Variants in TRMT11 observed in about 807,000 individuals in gnomAD.
TRMT11 encodes tRNA methyltransferase 11, also known as tRNA (guanine(10)-N(2))-methyltransferase TRMT11.
A neutral mutation model predicts 62.8 loss-of-function variants in TRMT11; 53 were observed. The ratio of observed to expected loss-of-function variants is 0.84; its 90% CI spans 0.68 to 1.06. The LOEUF is 1.06. Ranked by LOEUF, TRMT11 falls within the 50% of genes least tolerant of loss-of-function variation. The pLI is 0.00. For missense variants in TRMT11, 556 were observed against 553.4 expected (o/e 1.00, Z -0.05); for synonymous variants, 188 against 190.3 (o/e 0.99, Z 0.10).
chr6:126,136,018 A>G (rs1562330849), intron 21 of TRMT11, among the ~76,000 whole-genome samples: 1 of 151,976 alleles, frequency 6.6e-6, no homozygotes. Flanking sequence ...TTACAAGCTC[A>G]CAGTTAAAAT....
chr6:126,049,812 T>G (rs975808464), intron 16 of TRMT11, among the ~76,000 whole-genome samples: 2 of 152,166 alleles, frequency 1.3e-5, no homozygotes, highest in Non-Finnish European at 2.9e-5. Context: ...TTTTAAAAAT[T>G]CAGTTAAGTG....
At chr6:126,164,624 T>A (rs1778236416) in intron 21 of TRMT11, among the ~76,000 whole-genome samples, 1 of 152,216 alleles carries the variant, frequency 6.6e-6, no homozygotes. Flanking sequence ...CTTTTGTAGG[T>A]CTCTAAGAAC....
intron 21 of TRMT11, among the ~76,000 whole-genome samples, chr6:126,141,455 A>C (rs373701580): frequency 2.0e-5 from 3 of 152,286 alleles, no homozygotes; most frequent in South Asian, 2.1e-4. Context: ...AGCAAATTTG[A>C]ATATATCATT....
chr6:126,246,180 G>A, the TRMT11 span, among the ~76,000 whole-genome samples: 2 of 152,116 alleles, frequency 1.3e-5, no homozygotes, highest in South Asian at 2.1e-4. Context: ...CCAGGAGATC[G>A]AGGCTGCAGT....
At chr6:126,101,977 A>G (rs892075431) in intron 17 of TRMT11, among the ~76,000 whole-genome samples, 1 of 152,216 alleles carries the variant, frequency 6.6e-6, no homozygotes, top group African/African-American at 2.4e-5. Context: ...GACTGTAAAT[A>G]CCATCAGCTA....
intron 21 of TRMT11, among the ~76,000 whole-genome samples, chr6:126,145,645 T>C (rs191371181): frequency 1.3e-5 from 2 of 152,274 alleles, no homozygotes; most frequent in Admixed American, 6.5e-5. Flanking sequence ...ACGACTTCCA[T>C]GGTCAGCACC....
chr6:126,109,661 G>A (rs1777508093), intron 17 of TRMT11, among the ~76,000 whole-genome samples: 1 of 152,136 alleles, frequency 6.6e-6, no homozygotes, highest in Admixed American at 6.6e-5. Context: ...AGAAGCTTTG[G>A]GTATTCTGAA....
chr6:126,222,978 G>T, the TRMT11 span, among the ~76,000 whole-genome samples: 1 of 152,144 alleles, frequency 6.6e-6, no homozygotes. Context: ...TTGTTTCCAT[G>T]CGTAGCACTC....
chr6:126,136,680 A>G (rs1207423311), intron 21 of TRMT11, among the ~76,000 whole-genome samples: 1 of 151,928 alleles, frequency 6.6e-6, no homozygotes, highest in Non-Finnish European at 1.5e-5. Flanking sequence ...AGCTAAGGCA[A>G]TCCTGAGCAA....
chr6:126,109,817 A>G (rs1777509882), intron 17 of TRMT11, among the ~76,000 whole-genome samples: 1 of 152,182 alleles, frequency 6.6e-6, no homozygotes, highest in Non-Finnish European at 1.5e-5. Flanking sequence ...TGAGAACCTC[A>G]TGTAAGTATT....
intron 16 of TRMT11, among the ~76,000 whole-genome samples, chr6:126,050,346 A>G (rs1032211164): frequency 2.6e-5 from 4 of 151,684 alleles, no homozygotes; most frequent in African/African-American, 7.3e-5. Flanking sequence ...AAAAAAAAAA[A>G]AAATAGACAA....
chr6:125,997,263 G>A (rs1215421815), intron 3 of TRMT11, among the ~76,000 whole-genome samples: 1 of 151,968 alleles, frequency 6.6e-6, no homozygotes, highest in Non-Finnish European at 1.5e-5. Context: ...CATTTGCAAA[G>A]GAAAAAAATT....
At chr6:126,139,507 T>G (rs1235321775) in intron 21 of TRMT11, among the ~76,000 whole-genome samples, 6 of 152,094 alleles carry the variant, frequency 3.9e-5, no homozygotes, top group Non-Finnish European at 8.8e-5. Flanking sequence ...TAGCTGGGAT[T>G]ACAGGCGCCT....
At chr6:126,180,223 C>G (rs996201388) in intron 1 of TRMT11, among the ~76,000 whole-genome samples, 1 of 152,090 alleles carries the variant, frequency 6.6e-6, no homozygotes, top group South Asian at 2.1e-4. Context: ...CAAAGATTAC[C>G]TATTGTGAAT....
intron 5 of TRMT11, 46 bp downstream of exon 5, chr6:125,998,361 C>G: frequency 1.5e-6 from 2 of 1,374,798 alleles, no homozygotes; most frequent in Non-Finnish European, 1.0e-6. Flanking sequence ...TGAATGCAGT[C>G]TGGCCATTGT....
intron 17 of TRMT11, among the ~76,000 whole-genome samples, chr6:126,081,273 G>A (rs1175341079): frequency 6.6e-6 from 1 of 152,168 alleles, no homozygotes; most frequent in Non-Finnish European, 1.5e-5. Context: ...ATACCAATAT[G>A]CAAAGGCCAC....
chr6:126,217,639 G>T, the TRMT11 span, among the ~76,000 whole-genome samples: 1 of 152,170 alleles, frequency 6.6e-6, no homozygotes, highest in African/African-American at 2.4e-5. Context: ...TGGGGGAGGG[G>T]TGACACAAGC....
chr6:126,086,281 A>G (rs1414186569), intron 17 of TRMT11, among the ~76,000 whole-genome samples: 3 of 152,166 alleles, frequency 2.0e-5, no homozygotes, highest in Non-Finnish European at 4.4e-5. Context: ...TGTTTCACTT[A>G]GTTCCTAGCA....
At chr6:126,139,858 A>G (rs1777897002) in intron 21 of TRMT11, among the ~76,000 whole-genome samples, 1 of 152,058 alleles carries the variant, frequency 6.6e-6, no homozygotes, top group African/African-American at 2.4e-5. Flanking sequence ...GGTAATTATT[A>G]TATCATTTGC....
Sources: gnomAD v4.1 joint callset for allele counts (sites outside exome capture counted in the v4.1 genomes callset) on GRCh38, gnomAD v4.1.1 for gene constraint, MANE v1.5 for transcripts, NCBI Gene and HGNC (gene_info 2026-07-23, HGNC 2026-07-21) for gene names.